The following MACROD2 variants were observed in gnomAD, a reference collection of about 807,000 sequenced individuals.
The protein encoded by MACROD2 is ADP-ribose glycohydrolase MACROD2.
A neutral mutation model predicts 70.4 loss-of-function variants in MACROD2; 36 were observed. The observed-to-expected ratio is 0.51, with a 90% CI of 0.39 to 0.68. The LOEUF is 0.68. Among genes scored for constraint, MACROD2 ranks in the 30% least tolerant of loss-of-function variants. The pLI is 0.00. For missense variants in MACROD2, 496 were observed against 538.4 expected (o/e 0.92, Z 0.78); for synonymous variants, 172 against 178.8 (o/e 0.96, Z 0.30).
At chr20:14,638,425 A>G (rs1984902811) in intron 4 of MACROD2, among the ~76,000 whole-genome samples, 1 of 151,910 alleles carries the variant, frequency 6.6e-6, no homozygotes, top group African/African-American at 2.4e-5. Flanking sequence ...TCTTGTTGGT[A>G]ACCCCAATTT....
Position 15,182,109 on chromosome 20 carries a change from C to T in MACROD2, c.419-47831C>T, listed in dbSNP as rs147235448. Among the ~76,000 whole-genome samples the T allele has an allele frequency of 2.0e-4, 31 of 152,112 alleles. No individual in the cohort carries two copies. In the East Asian group the frequency reaches 2.3e-3, roughly 11 times the overall value. Reference sequence around the variant, plus strand: ...ATTTGTGGTTAGCAAAAGAACAGACCCTAAAAGGCAATAGTCTAAGTAAAA... The same window carrying T: ...ATTTGTGGTTAGCAAAAGAACAGACTCTAAAAGGCAATAGTCTAAGTAAAA... On this transcript the variant is annotated intron_variant, in intron 5 of 17. Coordinates refer to ENST00000684519, the MANE Select transcript of MACROD2 (RefSeq NM_001351661.2).
rs1451796646 is a variant in MACROD2, at chr20:15,855,961, T to C, written c.646-6784T>C. 2.0e-5 allele frequency among the ~76,000 whole-genome samples: 3 copies of C among 152,216 alleles called. No homozygotes were observed. In the East Asian group the frequency reaches 5.8e-4, roughly 29 times the overall value. On this transcript the variant is annotated intron_variant, in intron 8 of 17. Coordinates refer to ENST00000684519, the MANE Select transcript of MACROD2 (RefSeq NM_001351661.2). ...ATTTAAGTAGCTTCCAATTTGGAGA[T>C]ATTGCAAATAGTGCTGCTATGAACA...
chr20:14,929,671 C>T (rs2074274228), intron 5 of MACROD2, among the ~76,000 whole-genome samples: 1 of 152,086 alleles, frequency 6.6e-6, no homozygotes, highest in Admixed American at 6.5e-5. Flanking sequence ...CTTTTAGTCA[C>T]ATGGTTGGTT....
At chr20:15,625,205 G>A (rs1056020966) in intron 8 of MACROD2, among the ~76,000 whole-genome samples, 2 of 152,168 alleles carry the variant, frequency 1.3e-5, no homozygotes, top group Non-Finnish European at 2.9e-5. Context: ...AATGACAAAC[G>A]TTCTTTCCTA....
intron 4 of MACROD2, among the ~76,000 whole-genome samples, chr20:14,646,024 C>G (rs1394412148): frequency 6.7e-6 from 1 of 149,908 alleles, no homozygotes; most frequent in Non-Finnish European, 1.5e-5. Context: ...TAAGAAATAA[C>G]TTATATATTA....
chr20:14,692,903 G>T (rs1258826376), intron 5 of MACROD2, among the ~76,000 whole-genome samples: 1 of 152,162 alleles, frequency 6.6e-6, no homozygotes, highest in Non-Finnish European at 1.5e-5. Flanking sequence ...ATAACTTAAT[G>T]ATTCTAATAC....
intron 3 of MACROD2, chr20:14,327,401 G>A (rs1390361437): frequency 1.9e-6 from 3 of 1,613,486 alleles, no homozygotes; most frequent in Admixed American, 1.7e-5. Flanking sequence ...GCATCGCAGC[G>A]ACACACAGAT....
chr20:15,873,772 C>T (rs1345100524), intron 9 of MACROD2, among the ~76,000 whole-genome samples: 2 of 151,888 alleles, frequency 1.3e-5, no homozygotes, highest in Non-Finnish European at 2.9e-5. Context: ...AAAGAAGAAA[C>T]CCTTTTTAAT....
intron 5 of MACROD2, among the ~76,000 whole-genome samples, chr20:14,839,336 G>C (rs547497595): frequency 4.6e-4 from 70 of 152,184 alleles, no homozygotes; most frequent in Non-Finnish European, 1.2e-4. Context: ...ATGAGAGATC[G>C]CATGAAAGAA....
At chr20:15,478,539 CTGTGTGTGTGTGTCTGTGTGTGTG>C (rs1485063520) in intron 7 of MACROD2, among the ~76,000 whole-genome samples, 1 of 104,594 alleles carries the variant, frequency 9.6e-6, no homozygotes, top group African/African-American at 4.1e-5. Context: ...GCGTGCATGA[CTGTGTGTGTGTGTCTGTGTGTGTG>C]TGTGTGTGTG....
At chr20:14,958,011 C>G (rs561350375) in intron 5 of MACROD2, among the ~76,000 whole-genome samples, 22 of 152,108 alleles carry the variant, frequency 1.4e-4, no homozygotes, top group African/African-American at 5.3e-4. Flanking sequence ...TAATAATATC[C>G]ACTCTTGTCT....
At chr20:15,779,945 T>C (rs192991142) in intron 8 of MACROD2, among the ~76,000 whole-genome samples, 34 of 152,236 alleles carry the variant, frequency 2.2e-4, no homozygotes, top group Middle Eastern at 6.8e-3. Context: ...AGGAAAAAGA[T>C]AAGTTATAAG....
chr20:15,431,536 G>T, intron 7 of MACROD2, 101 bp downstream of exon 7: 1 of 1,153,180 alleles, frequency 8.7e-7, no homozygotes. Flanking sequence ...AATATATTTT[G>T]CTGTGATTTA....
At chr20:14,545,687 C>T (rs2123245217) in intron 4 of MACROD2, among the ~76,000 whole-genome samples, 1 of 152,252 alleles carries the variant, frequency 6.6e-6, no homozygotes, top group South Asian at 2.1e-4. Flanking sequence ...TTAAAGTTCA[C>T]TTTTGAGAAA....
At chr20:14,478,040 G>A (rs867744564) in intron 3 of MACROD2, among the ~76,000 whole-genome samples, 1 of 152,124 alleles carries the variant, frequency 6.6e-6, no homozygotes, top group Non-Finnish European at 1.5e-5. Flanking sequence ...AGCAGACTCC[G>A]AGATAAAGGT....
chr20:15,095,064 CTT>C lies in MACROD2; in HGVS notation c.419-134846_419-134845del, dbSNP rs373794823. On this transcript the variant is annotated intron_variant, in intron 5 of 17. Coordinates refer to ENST00000684519, the MANE Select transcript of MACROD2 (RefSeq NM_001351661.2). ...TATCTTTTCACTGTGGTCTCCTCTTCTTTTTTTTTTTTTTTTTTTTTTTTTTT... is the reference window on the plus strand; with the variant it reads ...TATCTTTTCACTGTGGTCTCCTCTTCTTTTTTTTTTTTTTTTTTTTTTTTT... Among the ~76,000 whole-genome samples, 280 of 88,880 alleles carry C rather than the reference CTT, an allele frequency of 3.2e-3. 2 individuals are homozygous for C. The highest frequency in any genetic ancestry group is 8.4e-3 in the African/African-American group (217 of 25,920). The allele number at this position is 88,880 out of a possible 152,430, so 58.3% of individuals were successfully genotyped here. A position where few individuals can be genotyped will look rare whatever the true frequency, so the allele number is the denominator to read the frequency against.
chr20:15,503,199 T>G (rs1225829968), intron 8 of MACROD2, among the ~76,000 whole-genome samples: 1 of 152,124 alleles, frequency 6.6e-6, no homozygotes, highest in Non-Finnish European at 1.5e-5. Flanking sequence ...CTGGGTAAAT[T>G]TTGGTGCATT....
intron 6 of MACROD2, among the ~76,000 whole-genome samples, chr20:15,332,426 G>A (rs2078002524): frequency 6.6e-6 from 1 of 151,512 alleles, no homozygotes. Context: ...ATGAAATAGG[G>A]ATCTAAATTT....
At chr20:15,119,282 G>T (rs73097508) in intron 5 of MACROD2, among the ~76,000 whole-genome samples, 2 of 151,922 alleles carry the variant, frequency 1.3e-5, no homozygotes, top group Admixed American at 6.6e-5. Context: ...TCTTTTCCTT[G>T]GGTTAAAGGT....
Sources: gnomAD v4.1 joint callset for allele counts (sites outside exome capture counted in the v4.1 genomes callset) on GRCh38, gnomAD v4.1.1 for gene constraint, MANE v1.5 for transcripts, NCBI Gene and HGNC (gene_info 2026-07-23, HGNC 2026-07-21) for gene names.